Variants in RBBP4 observed in about 807,000 individuals in gnomAD.
RBBP4 encodes histone-binding protein RBBP4.
Under a neutral mutation model 57.2 loss-of-function variants are expected in RBBP4, and 3 were observed. The observed-to-expected ratio is 0.05, with a 90% CI of 0.02 to 0.14. The LOEUF is 0.14. Among genes scored for constraint, RBBP4 ranks in the 10% least tolerant of loss-of-function variants. The pLI, the probability that RBBP4 is intolerant of heterozygous loss-of-function variation, is 1.00. For missense variants in RBBP4, 107 were observed against 520.6 expected (o/e 0.21, Z 7.73); for synonymous variants, 151 against 171.5 (o/e 0.88, Z 0.93).
chr1:32,672,941 T>G, intron 11 of RBBP4, 40 bp downstream of exon 11: 5 of 1,447,056 alleles, frequency 3.5e-6, no homozygotes, highest in Non-Finnish European at 4.8e-6. Context: ...GTGAAATAAG[T>G]GAGACATAGA....
chr1:32,661,906 T>C (rs867077057), intron 3 of RBBP4, among the ~76,000 whole-genome samples: 6 of 82,382 alleles, frequency 7.3e-5, no homozygotes, highest in Non-Finnish European at 1.4e-4. Flanking sequence ...TTTTTTTTTT[T>C]GAGACAGTCT....
At chr1:32,656,571 C>T (rs1648150341) in intron 2 of RBBP4, among the ~76,000 whole-genome samples, 1 of 152,098 alleles carries the variant, frequency 6.6e-6, no homozygotes, top group Admixed American at 6.5e-5. Context: ...AGGCTGGTCT[C>T]GAATTCCTGA....
At chr1:32,678,608 G>T (rs1212265536) in intron 11 of RBBP4, among the ~76,000 whole-genome samples, 2 of 43,986 alleles carry the variant, frequency 4.5e-5, no homozygotes, top group African/African-American at 2.4e-4. Flanking sequence ...TTTTTTTTTT[G>T]GCACACAGTC....
intron 11 of RBBP4, among the ~76,000 whole-genome samples, chr1:32,677,094 CA>C (rs1330308591): frequency 6.6e-6 from 1 of 152,122 alleles, no homozygotes; most frequent in Non-Finnish European, 1.5e-5. Flanking sequence ...CAGAGCTCTC[CA>C]AAAACACTCG....
At chr1:32,658,763 G>C (rs934345281) in intron 3 of RBBP4, among the ~76,000 whole-genome samples, 1 of 151,718 alleles carries the variant, frequency 6.6e-6, no homozygotes, top group East Asian at 1.9e-4. Flanking sequence ...GGTCAGGCTG[G>C]TCTCGAACTC....
chr1:32,681,531 C>T lies in RBBP4; in HGVS notation c.*1826C>T, dbSNP rs1365543697. The T allele has an allele frequency of 1.2e-5, 5 of 423,830 alleles. No homozygotes were observed. The East Asian group carries it at 2.0e-4, about 17-fold the overall frequency. 26.3% of individuals were successfully genotyped at this position (423,830 alleles called of 1,614,324 possible). A position where few individuals can be genotyped will look rare whatever the true frequency, so the allele number is the denominator to read the frequency against. On this transcript the variant is annotated 3_prime_UTR_variant, in exon 12 of 12. Coordinates refer to ENST00000373493, the MANE Select transcript of RBBP4 (RefSeq NM_005610.3). ...TAAAATACTCCCAGATGTGTCCATA[C>T]ATTCATCCTTCACTCAGTGCATATG...
intron 11 of RBBP4, chr1:32,673,443 T>TC (rs11373803): frequency 0.69 from 265,729 of 387,344 alleles, 75,251 homozygotes; most frequent in East Asian, 0.72. Flanking sequence ...AAATTTTCTC[T>TC]TTTTTTTTTT....
intron 11 of RBBP4, among the ~76,000 whole-genome samples, chr1:32,677,809 G>A (rs538170199): frequency 5.3e-5 from 8 of 152,292 alleles, no homozygotes; most frequent in Non-Finnish European, 1.0e-4. Context: ...TCTTTTCTCT[G>A]GGGTCAGATC....
rs751933323 is a variant in RBBP4 at position 32,669,180 on chromosome 1, T to C, written c.761+48T>C. ...TTCTAAATATCTTGTCTAAGTTTTA[T>C]GTTTAGTCACCATTTCAAGGTTTTT... On this transcript the variant is annotated intron_variant, in intron 6 of 11. Coordinates refer to ENST00000373493, the MANE Select transcript of RBBP4 (RefSeq NM_005610.3). This position sits in a 1 kb window ranked among gnomAD's most constrained non-coding sequence, Gnocchi z 4.9. The C allele has an allele frequency of 1.2e-6, 2 of 1,611,324 alleles. No homozygotes were observed. Among genetic ancestry groups the C allele is most frequent in the Non-Finnish European group, 8.5e-7 (1 of 1,179,158 alleles).
chr1:32,653,637 G>GTTTTTTTTTTTTTT (rs1053666893), intron 2 of RBBP4, among the ~76,000 whole-genome samples: 1 of 20,772 alleles, frequency 4.8e-5, no homozygotes, highest in Non-Finnish European at 1.7e-4. Context: ...TTGTTTTCTG[G>GTTTTTTTTTTTTTT]TTTTTTTTTT....
At chr1:32,678,472 C>T (rs964822552) in intron 11 of RBBP4, among the ~76,000 whole-genome samples, 2 of 151,410 alleles carry the variant, frequency 1.3e-5, no homozygotes, top group African/African-American at 4.8e-5. Flanking sequence ...GGTGATACGC[C>T]TGCCTTGGCC....
At chr1:32,678,447 G>A (rs973354700) in intron 11 of RBBP4, among the ~76,000 whole-genome samples, 1 of 151,450 alleles carries the variant, frequency 6.6e-6, no homozygotes, top group Admixed American at 6.6e-5. Flanking sequence ...GGCTGGTCTC[G>A]AACTCCTGAC....
chr1:32,669,257 C>A lies in RBBP4; in HGVS notation c.788C>A (p.Ser263Tyr). 6.2e-7 allele frequency: 1 copy of A among 1,612,746 alleles called. No homozygotes were observed. Among genetic ancestry groups the A allele is most frequent in the African/African-American group, 1.3e-5 (1 of 74,926 alleles). ...TGGGATACTCGTTCAAACAATACTT[C>A]CAAACCAAGCCACTCAGTTGATGCT... ...MIWDTRSNNT[S>Y]KPSHSVDAHT... The change falls in exon 7 of 12, where the codon TCC becomes TAC. Residue 263 changes from serine (S) to tyrosine (Y), a missense_variant. Coordinates refer to ENST00000373493, the MANE Select transcript of RBBP4 (RefSeq NM_005610.3). This position sits in a 1 kb window ranked among gnomAD's most constrained non-coding sequence, Gnocchi z 4.9.
intron 3 of RBBP4, among the ~76,000 whole-genome samples, chr1:32,658,361 TA>T (rs59613858): frequency 5.3e-4 from 75 of 141,976 alleles, no homozygotes; most frequent in Middle Eastern, 3.6e-3. Flanking sequence ...GGAGCAATAG[TA>T]AAAAAAAAAA....
chr1:32,673,022 T>A, intron 11 of RBBP4, 121 bp downstream of exon 11: 1 of 816,534 alleles, frequency 1.2e-6, no homozygotes, highest in Non-Finnish European at 1.9e-6. Flanking sequence ...GGTGTGATTT[T>A]AAGACTTGTC....
intron 4 of RBBP4, 135 bp from the exon 5 acceptor site, chr1:32,668,604 C>A: frequency 1.2e-6 from 1 of 852,520 alleles, no homozygotes; most frequent in Non-Finnish European, 1.8e-6. Context: ...TAAGCATTAT[C>A]TATTTGATCA....
In RBBP4 at chr1:32,672,430, T is replaced by C. The variant is rs760960527; in HGVS notation, c.967-20T>C. On this transcript the variant is annotated intron_variant, in intron 8 of 11. Coordinates refer to ENST00000373493, the MANE Select transcript of RBBP4 (RefSeq NM_005610.3). The stretch of plus-strand genomic sequence containing the variant: ...TTTTCTAATTCATGGCTTTGCTCTT[T>C]TCTTCATTCCTATGTGTAGGTTCAG... 3.3e-6 allele frequency: 5 copies of C among 1,535,248 alleles called. No individual in the cohort carries two copies. Among genetic ancestry groups the C allele is most frequent in the African/African-American group, 1.4e-5 (1 of 72,186 alleles).
chr1:32,668,143 A>T, intron 3 of RBBP4, 82 bp from the exon 4 acceptor site: 1 of 1,321,612 alleles, frequency 7.6e-7, no homozygotes, highest in South Asian at 1.5e-5. Flanking sequence ...AGGAAAAAAA[A>T]TCCTTTCCTG....
rs1557849770 is a variant in RBBP4, at chr1:32,653,637, G to GTTTTTTTTGTTTTTTTTTTTTTTTTTTTT, written c.164+1584_164+1585insGTTTTTTTTTTTTTTTTTTTTTTTTTTTT. Among the ~76,000 whole-genome samples, 4 of 20,772 alleles carry GTTTTTTTTGTTTTTTTTTTTTTTTTTTTT rather than the reference G, an allele frequency of 1.9e-4. 1 individual carries two copies. Among genetic ancestry groups the GTTTTTTTTGTTTTTTTTTTTTTTTTTTTT allele is most frequent in the Admixed American group, 8.8e-4 (1 of 1,130 alleles). 13.6% of individuals were successfully genotyped at this position (20,772 alleles called of 152,430 possible). The stretch of plus-strand genomic sequence containing the variant: ...TGCTTTGTGTGTTTTTTGTTTTCTG[G>GTTTTTTTTGTTTTTTTTTTTTTTTTTTTT]TTTTTTTTTTTTTTTTTTTTTTGTT... On this transcript the variant is annotated intron_variant, in intron 2 of 11. Coordinates refer to ENST00000373493, the MANE Select transcript of RBBP4 (RefSeq NM_005610.3).
Sources: gnomAD v4.1 joint callset for allele counts (sites outside exome capture counted in the v4.1 genomes callset) on GRCh38, gnomAD v4.1.1 for gene constraint, Gnocchi (gnomAD v3.1) non-coding constraint, MANE v1.5 for transcripts, NCBI Gene and HGNC (gene_info 2026-07-23, HGNC 2026-07-21) for gene names.